Variants in CSMD1 observed in about 807,000 individuals in gnomAD.
CSMD1 encodes CUB and sushi domain-containing protein 1.
A neutral mutation model predicts 417.5 loss-of-function variants in CSMD1; 213 were observed. The observed-to-expected ratio is 0.51, with a 90% CI of 0.46 to 0.57. The LOEUF is 0.57. Among genes scored for constraint, CSMD1 ranks in the 20% least tolerant of loss-of-function variants. The pLI, the probability that CSMD1 is intolerant of heterozygous loss-of-function variation, is 0.00. For missense variants in CSMD1, 6,923 were observed against 4,529.7 expected, an observed-to-expected ratio of 1.53 and a Z score of -15.17; for synonymous variants, 2,862 against 1,736.8, an observed-to-expected ratio of 1.65 and a Z score of -16.11.
At chr8:3,552,301 G>A (rs1332634812) in intron 10 of CSMD1, among the ~76,000 whole-genome samples, 1 of 151,542 alleles carries the variant, frequency 6.6e-6, no homozygotes, top group Non-Finnish European at 1.5e-5. Flanking sequence ...CATCCACATG[G>A]CATGAAAAAA....
chr8:4,725,480 T>C (rs891286925), intron 1 of CSMD1, among the ~76,000 whole-genome samples: 2 of 152,194 alleles, frequency 1.3e-5, no homozygotes, highest in African/African-American at 4.8e-5. Context: ...AGAAAATACA[T>C]AGTTACGTGA....
intron 5 of CSMD1, among the ~76,000 whole-genome samples, chr8:3,910,626 A>C (rs1443608271): frequency 6.6e-6 from 1 of 152,162 alleles, no homozygotes; most frequent in Non-Finnish European, 1.5e-5. Context: ...TTTTAATATA[A>C]AGCTATTGTG....
intron 3 of CSMD1, among the ~76,000 whole-genome samples, chr8:4,188,237 C>A (rs1345569796): frequency 6.6e-6 from 1 of 151,996 alleles, no homozygotes; most frequent in South Asian, 2.1e-4. Context: ...CTCTGAGGAC[C>A]CAGAAAACAG....
chr8:3,978,886 A>C (rs1290222760), intron 5 of CSMD1, among the ~76,000 whole-genome samples: 1 of 152,188 alleles, frequency 6.6e-6, no homozygotes, highest in Non-Finnish European at 1.5e-5. Flanking sequence ...GGAACACAAT[A>C]TGGGAACAGT....
chr8:4,987,443 T>C (rs1171024551), intron 1 of CSMD1, among the ~76,000 whole-genome samples: 2 of 152,076 alleles, frequency 1.3e-5, no homozygotes, highest in East Asian at 1.9e-4. Flanking sequence ...TCCATCGGGG[T>C]TCATGGTTTA....
intron 3 of CSMD1, among the ~76,000 whole-genome samples, chr8:4,241,016 G>C (rs1275090979): frequency 6.6e-6 from 1 of 152,090 alleles, no homozygotes; most frequent in African/African-American, 2.4e-5. Context: ...AAACCCATCT[G>C]ACTGACTAGT....
chr8:3,092,514 G>A (rs901005731), intron 47 of CSMD1, among the ~76,000 whole-genome samples: 5 of 152,150 alleles, frequency 3.3e-5, no homozygotes, highest in African/African-American at 1.2e-4. Context: ...TATGGGTGAA[G>A]CTTCTAAATT....
chr8:4,257,989 T>C (rs565430094), intron 3 of CSMD1, among the ~76,000 whole-genome samples: 10 of 152,118 alleles, frequency 6.6e-5, no homozygotes, highest in Non-Finnish European at 1.2e-4. Flanking sequence ...AAGAATATCA[T>C]AGAATAAGTG....
intron 68 of CSMD1, among the ~76,000 whole-genome samples, chr8:2,947,658 A>G (rs765256336): frequency 6.6e-6 from 1 of 152,210 alleles, no homozygotes; most frequent in South Asian, 2.1e-4. Flanking sequence ...CATCCTGTAC[A>G]GCTCACTGGG....
intron 7 of CSMD1, among the ~76,000 whole-genome samples, chr8:3,646,742 G>T (rs1048265000): frequency 6.6e-6 from 1 of 152,072 alleles, no homozygotes; most frequent in Non-Finnish European, 1.5e-5. Flanking sequence ...CTCCTCTGAG[G>T]CTGGAAAGAA....
intron 41 of CSMD1, among the ~76,000 whole-genome samples, chr8:3,125,259 G>C (rs1191337784): frequency 2.0e-5 from 3 of 152,214 alleles, no homozygotes; most frequent in African/African-American, 4.8e-5. Context: ...CATAGTGCCT[G>C]TGCTGGCTTC....
intron 26 of CSMD1, among the ~76,000 whole-genome samples, chr8:3,283,342 GC>G (rs1206021462): frequency 1.3e-5 from 2 of 152,108 alleles, no homozygotes; most frequent in African/African-American, 4.8e-5. Context: ...GGTTAGGGGA[GC>G]CCTGAAGATA....
At chr8:4,622,255 A>C (rs1246188900) in intron 2 of CSMD1, among the ~76,000 whole-genome samples, 1 of 151,942 alleles carries the variant, frequency 6.6e-6, no homozygotes, top group Non-Finnish European at 1.5e-5. Flanking sequence ...AGAAAAAGGC[A>C]AAAGAGGATA....
intron 1 of CSMD1, among the ~76,000 whole-genome samples, chr8:4,916,365 A>G: frequency 6.6e-6 from 1 of 152,238 alleles, no homozygotes; most frequent in East Asian, 1.9e-4. Flanking sequence ...CCCTTTGAAA[A>G]AAGTATTCTG....
At chr8:3,439,132 A>AAAAAAAAAAAAAAAAAAAAAAAAAAG in intron 12 of CSMD1, among the ~76,000 whole-genome samples, 1 of 124,670 alleles carries the variant, frequency 8.0e-6, no homozygotes, top group Non-Finnish European at 1.6e-5. Context: ...CAAAAAAAAA[A>AAAAAAAAAAAAAAAAAAAAAAAAAAG]AAAAAAAAAA....
At chr8:3,734,419 A>G (rs79488868) in intron 6 of CSMD1, among the ~76,000 whole-genome samples, 4,451 of 152,232 alleles carry the variant, frequency 0.029, 253 homozygotes, top group African/African-American at 0.1. Context: ...AATTTAAAAT[A>G]CAGAAACTCT....
chr8:3,229,276 T>G (rs1054353270), intron 27 of CSMD1, among the ~76,000 whole-genome samples: 28 of 152,198 alleles, frequency 1.8e-4, no homozygotes, highest in African/African-American at 6.5e-4. Context: ...AAGTACTAAT[T>G]AAACTGTGAC....
At chr8:3,627,143 T>C (rs927194836) in intron 7 of CSMD1, among the ~76,000 whole-genome samples, 4 of 152,142 alleles carry the variant, frequency 2.6e-5, no homozygotes, top group African/African-American at 9.7e-5. Flanking sequence ...CTCAAAAATT[T>C]AATTCTCTTA....
intron 3 of CSMD1, among the ~76,000 whole-genome samples, chr8:4,398,149 G>A (rs749754313): frequency 3.9e-5 from 6 of 152,066 alleles, no homozygotes; most frequent in Non-Finnish European, 5.9e-5. Flanking sequence ...AGAGCAGGTG[G>A]TTCTACAATG....
Sources: gnomAD v4.1 joint callset for allele counts (sites outside exome capture counted in the v4.1 genomes callset) on GRCh38, gnomAD v4.1.1 for gene constraint, MANE v1.5 for transcripts, NCBI Gene and HGNC (gene_info 2026-07-23, HGNC 2026-07-21) for gene names.